Variants in PNPLA3 observed in about 807,000 individuals in gnomAD.
PNPLA3 encodes the protein patatin like domain 3, 1-acylglycerol-3-phosphate O-acyltransferase, also known as 1-acylglycerol-3-phosphate O-acyltransferase PNPLA3.
A neutral mutation model predicts 43.1 loss-of-function variants in PNPLA3; 42 were observed. The ratio of observed to expected loss-of-function variants is 0.97; its 90% confidence interval spans 0.76 to 1.26. The LOEUF (loss-of-function observed/expected upper bound fraction) is 1.26. Ranked by LOEUF, PNPLA3 falls within the 50% of genes most tolerant of loss-of-function variation. The pLI is 0.00. For missense variants in PNPLA3, 647 were observed against 621.4 expected (o/e 1.04, Z -0.44); for synonymous variants, 272 against 253.6 (o/e 1.07, Z -0.69).
At chr22:43,924,338 C>G (rs940687302) in intron 1 of PNPLA3, 2 of 513,428 alleles carry the variant, frequency 3.9e-6, no homozygotes, top group Non-Finnish European at 6.7e-6. Flanking sequence ...GACTCTCGTG[C>G]GTCCCCACCC....
At position 43,944,291 on chromosome 22, in the gene PNPLA3, G is replaced by A. The variant is rs191063911; in HGVS notation, c.1113-400G>A. On this transcript the variant is annotated intron_variant, in intron 7 of 8. Coordinates refer to ENST00000216180, the MANE Select transcript of PNPLA3 (RefSeq NM_025225.3). ...TCTGGGGGATGGAGAGTCTAGAGGAGGTAGCGTTCAGACCTCTCCATGGTG... is the reference window on the plus strand; with the variant it reads ...TCTGGGGGATGGAGAGTCTAGAGGAAGTAGCGTTCAGACCTCTCCATGGTG... Among the ~76,000 whole-genome samples, 95 of 152,268 alleles carry A rather than the reference G, an allele frequency of 6.2e-4. 1 individual carries two copies. Among genetic ancestry groups the A allele is most frequent in the Admixed American group, 2.2e-3 (33 of 15,292 alleles).
intron 5 of PNPLA3, among the ~76,000 whole-genome samples, chr22:43,936,495 C>T (rs1284275006): frequency 6.6e-6 from 1 of 152,164 alleles, no homozygotes; most frequent in African/African-American, 2.4e-5. Context: ...CAGGACAGGG[C>T]CTGGCACATA....
At chr22:43,934,303 C>G (rs1237440864) in intron 4 of PNPLA3, among the ~76,000 whole-genome samples, 3 of 132,504 alleles carry the variant, frequency 2.3e-5, no homozygotes, top group Non-Finnish European at 4.7e-5. Context: ...GGCAACAGAG[C>G]AAGACTCTGC....
intron 7 of PNPLA3, among the ~76,000 whole-genome samples, chr22:43,942,714 T>C (rs1303968872): frequency 6.8e-6 from 1 of 147,814 alleles, no homozygotes; most frequent in Non-Finnish European, 1.5e-5. Flanking sequence ...TTTTTTTTTT[T>C]TTTTTTGAGA....
In PNPLA3 at chr22:43,932,976, T is replaced by C. The variant is rs1449017366; in HGVS notation, c.585T>C (p.Pro195=). 1.2e-6 allele frequency: 2 copies of C among 1,614,036 alleles called. No homozygotes were observed. Among genetic ancestry groups the C allele is most frequent in the Admixed American group, 3.3e-5 (2 of 59,998 alleles). ...SPFYGEYDIC[P]KVKSTNFLHV... ...TCTATGGGGAGTACGACATCTGCCC[T>C]AAAGTCAAGTCCACGAACTTTCTTC... is the stretch of plus-strand genomic sequence containing the variant. The change falls in exon 4 of 9, where the codon CCT becomes CCC. Residue 195 remains proline (P), a synonymous_variant. Transcript: ENST00000216180.
At chr22:43,933,119 G>A in intron 4 of PNPLA3, 32 bp downstream of exon 4, 1 of 1,591,832 alleles carries the variant, frequency 6.3e-7, no homozygotes, top group Non-Finnish European at 8.6e-7. Flanking sequence ...AGGTGTTCTG[G>A]GGTGCAGCTC....
intron 4 of PNPLA3, among the ~76,000 whole-genome samples, chr22:43,933,441 C>T (rs949409998): frequency 1.3e-5 from 2 of 152,096 alleles, no homozygotes; most frequent in Admixed American, 1.3e-4. Context: ...GGCTGGAGTG[C>T]AGTGGTGCAA....
At chr22:43,937,363 G>A in intron 6 of PNPLA3, 91 bp downstream of exon 6, 1 of 1,208,524 alleles carries the variant, frequency 8.3e-7, no homozygotes, top group Non-Finnish European at 1.2e-6. Flanking sequence ...GGGAGCGATA[G>A]GGTGAGGCAA....
rs1390853398 is a variant in PNPLA3 at position 43,928,890 on chromosome 22, G to A, written c.486+1G>A. The A allele has an allele frequency of 6.2e-7, 1 of 1,609,820 alleles. No homozygotes were observed. The highest frequency in any genetic ancestry group is 8.5e-7 in the Non-Finnish European group (1 of 1,176,320). On this transcript the variant is annotated splice_donor_variant, in intron 3 of 8. Coordinates refer to ENST00000216180, the MANE Select transcript of PNPLA3 (RefSeq NM_025225.3). LOFTEE classifies it high-confidence loss of function. ...TATCCCTCCTTCCTTCAGAGGCGTG[G>A]TAAGTCGGCTTTCTCTGCTAGCGCT...
intron 1 of PNPLA3, among the ~76,000 whole-genome samples, chr22:43,926,729 C>T (rs2049924922): frequency 1.3e-5 from 2 of 152,230 alleles, no homozygotes; most frequent in Non-Finnish European, 1.5e-5. Context: ...TCATACTAAG[C>T]CACTGAAATC....
At chr22:43,940,910 G>A (rs772641095) in intron 7 of PNPLA3, among the ~76,000 whole-genome samples, 64 of 152,022 alleles carry the variant, frequency 4.2e-4, no homozygotes, top group Admixed American at 3.3e-3. Flanking sequence ...GGAGGCCGAG[G>A]TGGGTGGATA....
intron 4 of PNPLA3, among the ~76,000 whole-genome samples, chr22:43,933,678 A>G (rs1285473051): frequency 1.3e-5 from 2 of 152,192 alleles, no homozygotes; most frequent in Admixed American, 1.3e-4. Flanking sequence ...CCAGCCACTA[A>G]GATGATTCTT....
In PNPLA3 at chr22:43,946,480, C is replaced by A; in HGVS notation, c.*98C>A. 1 of 1,198,378 alleles carries A rather than the reference C, an allele frequency of 8.3e-7. No homozygotes were observed. The allele number at this position is 1,198,378 out of a possible 1,614,324, so 74.2% of individuals were successfully genotyped here. ...CGCATTGCTGTGTAGTGACCCCTGC[C>A]TGTGACGTGGAGGATCCCAGCCTCT... is the stretch of plus-strand genomic sequence containing the variant. On this transcript the variant is annotated 3_prime_UTR_variant, in exon 9 of 9. Coordinates refer to ENST00000216180, the MANE Select transcript of PNPLA3 (RefSeq NM_025225.3).
chr22:43,924,652 CTTTT>C (rs537111274), intron 1 of PNPLA3, among the ~76,000 whole-genome samples: 1 of 145,242 alleles, frequency 6.9e-6, no homozygotes. Flanking sequence ...TTCTTTTTTT[CTTTT>C]TTTTTTTTTG....
At chr22:43,938,097 C>T (rs1448938812) in intron 6 of PNPLA3, among the ~76,000 whole-genome samples, 1 of 152,120 alleles carries the variant, frequency 6.6e-6, no homozygotes, top group African/African-American at 2.4e-5. Context: ...ATGTCTGCTG[C>T]CCCTTGATCT....
chr22:43,944,108 G>T (rs891907717), intron 7 of PNPLA3, among the ~76,000 whole-genome samples: 3 of 152,034 alleles, frequency 2.0e-5, no homozygotes, highest in Admixed American at 6.6e-5. Context: ...TTAATGCCCA[G>T]TCTCTCCTTC....
chr22:43,940,475 G>A (rs2050024206), intron 7 of PNPLA3, among the ~76,000 whole-genome samples: 1 of 152,208 alleles, frequency 6.6e-6, no homozygotes, highest in Non-Finnish European at 1.5e-5. Flanking sequence ...GCCAGGCCTA[G>A]AAGCAGGATC....
chr22:43,927,042 T>G lies in PNPLA3; in HGVS notation c.295T>G (p.Cys99Gly), dbSNP rs2076213. 149,267 of 1,614,180 alleles carry G rather than the reference T, an allele frequency of 0.092. 7,629 individuals are homozygous for G. Among genetic ancestry groups the G allele is most frequent in the Admixed American group, 0.17 (10,215 of 60,026 alleles). The part of the protein sequence containing the change: ...NLSKFLRQGL[C>G]KCLPANVHQL... Reference sequence around the variant, plus strand: ...AAGCAAGTTCCTCCGACAGGGTCTCTGCAAATGCCTCCCGGCCAATGTCCA... The same window carrying G: ...AAGCAAGTTCCTCCGACAGGGTCTCGGCAAATGCCTCCCGGCCAATGTCCA... Residue 99 changes from cysteine to glycine, a missense_variant, in exon 2 of 9, where the codon TGC becomes GGC. Transcript: ENST00000216180.
In PNPLA3 at chr22:43,926,992, G is replaced by T. The variant is rs1037581253; in HGVS notation, c.245G>T (p.Gly82Val). Residue 82 changes from glycine to valine, a missense_variant, in exon 2 of 9, where the codon GGC (glycine) becomes GTC (valine). Gly to Val is a moderately radical substitution (Grantham distance 109). Transcript: ENST00000216180. ...CGGAAGGCCAGGAGTCGGAACATTGGCATCTTCCATCCATCCTTCAACTTA... is the reference window on the plus strand; with the variant it reads ...CGGAAGGCCAGGAGTCGGAACATTGTCATCTTCCATCCATCCTTCAACTTA... Reference protein sequence around the residue: ...LVRKARSRNIGIFHPSFNLSK... With the variant: ...LVRKARSRNIVIFHPSFNLSK... 5.0e-6 allele frequency: 8 copies of T among 1,614,084 alleles called. No homozygotes were observed. Among genetic ancestry groups the T allele is most frequent in the Non-Finnish European group, 6.8e-6 (8 of 1,180,050 alleles).
Sources: gnomAD v4.1 joint callset for allele counts (sites outside exome capture counted in the v4.1 genomes callset) on GRCh38, gnomAD v4.1.1 for gene constraint, MANE v1.5 for transcripts, NCBI Gene and HGNC (gene_info 2026-07-23, HGNC 2026-07-21) for gene names.